The following ASPSCR1 variants were observed in gnomAD, a reference collection of about 807,000 sequenced individuals.
ASPSCR1 encodes tether containing UBX domain for GLUT4.
In ASPSCR1, 55 loss-of-function variants were observed where a neutral mutation model predicts 68.9. The ratio of observed to expected loss-of-function variants is 0.80; its 90% CI spans 0.64 to 1.00. The LOEUF (loss-of-function observed/expected upper bound fraction) is 1.00, where lower values mean the gene tolerates loss of function less well. Among genes scored for constraint, ASPSCR1 ranks in the 50% least tolerant of loss-of-function variants. The pLI, the probability that ASPSCR1 is intolerant of heterozygous loss-of-function variation, is 0.00. For missense variants in ASPSCR1, 765 were observed against 762.2 expected (o/e 1.00, Z -0.04); for synonymous variants, 352 against 332.6 (o/e 1.06, Z -0.63).
intron 3 of ASPSCR1, among the ~76,000 whole-genome samples, chr17:81,985,118 A>G (rs955749124): frequency 6.8e-6 from 1 of 146,960 alleles, no homozygotes; most frequent in Non-Finnish European, 1.5e-5. Context: ...ACACACCTGC[A>G]TGTAAACATG....
In ASPSCR1 at chr17:82,009,037, C is replaced by A. The variant is rs1275172116; in HGVS notation, c.934C>A (p.Pro312Thr). The A allele has an allele frequency of 6.5e-7, 1 of 1,533,044 alleles. No individual in the cohort carries two copies. The highest frequency in any genetic ancestry group is 2.0e-5 in the Admixed American group (1 of 49,750). The allele number at this position is 1,533,044 out of a possible 1,614,324, so 95.0% of individuals were successfully genotyped here. Residue 312 changes from proline to threonine, a missense_variant and splice_region_variant, in exon 8 of 16, where the codon CCC (proline) becomes ACC (threonine). Physicochemically the swap from Pro to Thr is conservative, Grantham distance 38 (BLOSUM62 -1). Transcript: ENST00000306739. ...DPQQEQERER[P>T]VDREPVDREP... ...CGTCAGCCGCGCCCTCTGCCTCCAGCCCGTGGACCGGGAGCCCGTGGACCG... is the reference window on the plus strand; with the variant it reads ...CGTCAGCCGCGCCCTCTGCCTCCAGACCGTGGACCGGGAGCCCGTGGACCG...
intron 13 of ASPSCR1, 106 bp downstream of exon 13, chr17:82,016,633 T>C (rs2043136599): frequency 6.7e-7 from 1 of 1,489,160 alleles, no homozygotes; most frequent in Non-Finnish European, 9.1e-7. Context: ...CCTTTGGGTC[T>C]GAGAGGGAGA....
chr17:82,000,957 G>A (rs952735178), intron 7 of ASPSCR1, among the ~76,000 whole-genome samples: 1 of 152,142 alleles, frequency 6.6e-6, no homozygotes, highest in Admixed American at 6.5e-5. Context: ...CTGATCAAAG[G>A]CTGGGTCTGC....
intron 2 of ASPSCR1, among the ~76,000 whole-genome samples, chr17:81,980,162 T>C (rs889607956): frequency 1.3e-5 from 2 of 152,306 alleles, no homozygotes; most frequent in Admixed American, 6.5e-5. Context: ...TTTATATTTT[T>C]AGTAGAGATG....
At chr17:81,991,088 G>A (rs1013533329) in intron 4 of ASPSCR1, among the ~76,000 whole-genome samples, 1 of 152,186 alleles carries the variant, frequency 6.6e-6, no homozygotes, top group African/African-American at 2.4e-5. Context: ...AGGGTGAGCC[G>A]TGGGAACTCA....
intron 4 of ASPSCR1, among the ~76,000 whole-genome samples, chr17:81,991,188 G>T (rs1304687873): frequency 6.6e-6 from 1 of 152,192 alleles, no homozygotes; most frequent in African/African-American, 2.4e-5. Context: ...GCCATGGAGG[G>T]GATTTGTCCT....
At chr17:81,984,783 C>T (rs2041911653) in intron 3 of ASPSCR1, among the ~76,000 whole-genome samples, 1 of 150,802 alleles carries the variant, frequency 6.6e-6, no homozygotes, top group Non-Finnish European at 1.5e-5. Context: ...CCACACACAC[C>T]CACACACACC....
chr17:81,998,888 G>A (rs1264737026), intron 7 of ASPSCR1, among the ~76,000 whole-genome samples: 1 of 152,244 alleles, frequency 6.6e-6, no homozygotes, highest in East Asian at 1.9e-4. Context: ...ATGCAGGCAG[G>A]CGGCCAGGTG....
At chr17:82,008,712 C>A (rs896332929) in intron 7 of ASPSCR1, 2 of 286,182 alleles carry the variant, frequency 7.0e-6, no homozygotes, top group Non-Finnish European at 1.3e-5. Context: ...CCCCTCCCCC[C>A]CATGGAGACC....
chr17:82,005,339 G>A (rs1221256556), intron 7 of ASPSCR1: 1 of 152,198 alleles, frequency 6.6e-6, no homozygotes, highest in Non-Finnish European at 1.5e-5. Context: ...TGGTCCCCCG[G>A]CTCTTGCTGC....
rs1379798229 is a variant in ASPSCR1, at chr17:81,987,114, G to A, written c.374+1507G>A. Among the ~76,000 whole-genome samples the A allele has an allele frequency of 1.3e-5, 2 of 149,930 alleles. No individual in the cohort carries two copies. Among genetic ancestry groups the A allele is most frequent in the African/African-American group, 2.5e-5 (1 of 39,818 alleles). The stretch of plus-strand genomic sequence containing the variant: ...AAAGCGAAGCCACGGGCAGGGGTGA[G>A]CGGGACCCGAGGCAGGAGGTGACAG... On this transcript the variant is annotated intron_variant, in intron 4 of 15. Transcript: ENST00000306739. This position sits in a 1 kb window ranked among gnomAD's most constrained non-coding sequence, Gnocchi z 5.6.
chr17:81,984,134 G>C (rs1053720465), intron 3 of ASPSCR1, among the ~76,000 whole-genome samples: 3 of 152,080 alleles, frequency 2.0e-5, no homozygotes, highest in African/African-American at 7.2e-5. Flanking sequence ...AGGATTGCAG[G>C]CGTGAGCCTC....
chr17:82,006,553 C>T (rs1408933899), intron 7 of ASPSCR1: 1 of 152,230 alleles, frequency 6.6e-6, no homozygotes, highest in African/African-American at 2.4e-5. Flanking sequence ...CTCCTTGCCT[C>T]CTGCTCCTCC....
At chr17:82,010,541 A>AC (rs1567990540) in intron 9 of ASPSCR1, among the ~76,000 whole-genome samples, 3 of 150,788 alleles carry the variant, frequency 2.0e-5, no homozygotes, top group Admixed American at 6.6e-5. Flanking sequence ...AAAAAAAAAA[A>AC]AAAAAAAAAA....
chr17:82,012,029 C>T (rs2042965929), intron 11 of ASPSCR1: 2 of 694,906 alleles, frequency 2.9e-6, no homozygotes, highest in Admixed American at 4.2e-5. Flanking sequence ...GTGTCCCCTG[C>T]AGGTGGGCCT....
At position 81,994,190 on chromosome 17, in the gene ASPSCR1, C is replaced by T. The variant is rs560138243; in HGVS notation, c.375-631C>T. Among the ~76,000 whole-genome samples the T allele has an allele frequency of 1.2e-4, 19 of 152,332 alleles. No individual in the cohort carries two copies. The South Asian group carries it at 2.3e-3, about 18-fold the overall frequency. The stretch of plus-strand genomic sequence containing the variant: ...CTGCATATACCTGCCCACCCATGCA[C>T]GGGTCCAGCTGTGCCTCCTGCGGGG... On this transcript the variant is annotated intron_variant, in intron 4 of 15. Transcript: ENST00000306739.
rs142531286 is a variant in ASPSCR1, at chr17:81,998,159, C to T, written c.933+1313C>T. On this transcript the variant is annotated intron_variant, in intron 7 of 15. Coordinates refer to ENST00000306739, the MANE Select transcript of ASPSCR1 (RefSeq NM_024083.4). ...TTTTTATTTTTATTTTTCATAAAGACGAGGTCTCTCTCTGTTGCCCAGGCT... is the reference window on the plus strand; with the variant it reads ...TTTTTATTTTTATTTTTCATAAAGATGAGGTCTCTCTCTGTTGCCCAGGCT... 5.9e-5 allele frequency among the ~76,000 whole-genome samples: 9 copies of T among 152,184 alleles called. No individual in the cohort carries two copies. The East Asian group carries it at 1.5e-3, about 26-fold the overall frequency.
chr17:82,010,707 G>A (rs2042907648), intron 9 of ASPSCR1, 95 bp from the exon 10 acceptor site: 1 of 1,344,344 alleles, frequency 7.4e-7, no homozygotes, highest in Non-Finnish European at 1.1e-6. Flanking sequence ...CAGCCCTGGT[G>A]TCCATGGCCC....
At chr17:81,988,186 C>T (rs945281265) in intron 4 of ASPSCR1, among the ~76,000 whole-genome samples, 15 of 148,686 alleles carry the variant, frequency 1.0e-4, no homozygotes, top group Non-Finnish European at 2.1e-4. Context: ...AGTGGCTGGG[C>T]GTGATGGCTC....
Sources: allele counts gnomAD v4.1 joint callset (sites outside exome capture counted in the v4.1 genomes callset), GRCh38; gene constraint gnomAD v4.1.1; non-coding constraint Gnocchi (gnomAD v3.1); transcripts MANE v1.5; gene names NCBI Gene and HGNC (gene_info 2026-07-23, HGNC 2026-07-21).